The following FLNB variants were observed in gnomAD, a reference collection of about 807,000 sequenced individuals.
FLNB encodes filamin B, also known as filamin-B.
Under a neutral mutation model 250.6 loss-of-function variants are expected in FLNB, and 111 were observed. That is an observed-to-expected ratio of 0.44 (90% CI 0.38 to 0.52). The LOEUF is 0.52. FLNB is among the 20% of genes least tolerant of loss of function. FLNB has a pLI of 0.00. For missense variants in FLNB, 2,869 were observed against 3,447.8 expected (o/e 0.83, Z 4.20); for synonymous variants, 1,302 against 1,372.1 (o/e 0.95, Z 1.13).
chr3:58,134,752 C>T lies in FLNB; in HGVS notation c.4651C>T (p.Leu1551=). The T allele has an allele frequency of 6.2e-7, 1 of 1,614,146 alleles. No homozygotes were observed. Among genetic ancestry groups the T allele is most frequent in the Non-Finnish European group, 8.5e-7 (1 of 1,179,966 alleles). Residue 1551 remains leucine, a synonymous_variant, in exon 27 of 46, where the codon CTG becomes TTG. Transcript: ENST00000295956. Reference sequence around the variant, plus strand: ...TGATGCCCGAGATGCCGGGGAAGGCCTGCTTGCTGTTCAAATAACGGTAAC... The same window carrying T: ...TGATGCCCGAGATGCCGGGGAAGGCTTGCTTGCTGTTCAAATAACGGTAAC... ...AIDARDAGEG[L]LAVQITDQEG...
At chr3:58,111,312 G>T (rs547139880) in intron 16 of FLNB, among the ~76,000 whole-genome samples, 1 of 152,220 alleles carries the variant, frequency 6.6e-6, no homozygotes, top group East Asian at 1.9e-4. Flanking sequence ...TAAAGGTAGT[G>T]GTCTTGACAT....
chr3:58,084,096 G>A (rs942602641), intron 4 of FLNB, among the ~76,000 whole-genome samples: 7 of 151,810 alleles, frequency 4.6e-5, no homozygotes, highest in African/African-American at 9.7e-5. Context: ...GGAGGCTGAG[G>A]CAGGAGAATT....
intron 7 of FLNB, 85 bp downstream of exon 7, chr3:58,098,062 C>T: frequency 7.2e-7 from 1 of 1,392,634 alleles, no homozygotes; most frequent in South Asian, 1.2e-5. Context: ...GAAGGCCTGA[C>T]CTTTTGTCTT....
At chr3:58,011,611 T>A (rs865865822) in intron 1 of FLNB, among the ~76,000 whole-genome samples, 18 of 152,212 alleles carry the variant, frequency 1.2e-4, no homozygotes, top group African/African-American at 4.1e-4. Flanking sequence ...CCTTCATCCT[T>A]CAAGGCAAAG....
At chr3:58,090,709 A>G (rs1207323762) in intron 4 of FLNB, among the ~76,000 whole-genome samples, 2 of 152,196 alleles carry the variant, frequency 1.3e-5, no homozygotes, top group Non-Finnish European at 2.9e-5. Context: ...AGCTGTATAT[A>G]ATGAAGAAGT....
At chr3:58,135,951 C>T in intron 27 of FLNB, 28 bp from the exon 28 acceptor site, 1 of 1,610,972 alleles carries the variant, frequency 6.2e-7, no homozygotes, top group South Asian at 1.1e-5. Flanking sequence ...TGACAACATC[C>T]TAAATAGCAT....
chr3:58,072,104 A>T (rs964528891), intron 1 of FLNB, among the ~76,000 whole-genome samples: 2 of 152,084 alleles, frequency 1.3e-5, no homozygotes, highest in East Asian at 3.9e-4. Context: ...AAAAGAAAAC[A>T]AAACTAAACA....
At position 58,077,229 on chromosome 3, in the gene FLNB, C is replaced by G. The variant is rs772013221; in HGVS notation, c.476C>G (p.Thr159Ser). ...IQNKIPYLPI[T>S]NFNQNWQDGK... ...AACAAGATCCCCTACTTGCCCATCA[C>G]CAACTTTAACCAGAACTGGCAAGAC... Residue 159 changes from threonine (T) to serine (S), a missense_variant, in exon 2 of 46, where the codon ACC becomes AGC. By Grantham distance (58) the Thr-to-Ser change is moderately conservative. Transcript: ENST00000295956. The G allele has an allele frequency of 1.9e-6, 3 of 1,614,170 alleles. No homozygotes were observed. The highest frequency in any genetic ancestry group is 2.5e-6 in the Non-Finnish European group (3 of 1,180,006).
In FLNB at chr3:58,168,562, A is replaced by C; in HGVS notation, c.7321A>C (p.Met2441Leu). The change falls in exon 44 of 46, where the codon ATG (methionine) becomes CTG (leucine). Residue 2441 changes from methionine (M) to leucine (L), a missense_variant. By Grantham distance (15) the Met-to-Leu change is conservative. Around this residue, in one of 5 missense-constraint regions of FLNB, gnomAD observed 1,084 missense variants for 1,315.5 expected, o/e 0.82. Transcript: ENST00000295956. ...GGAAACACCTGAAGGGTACAAAGTC[A>C]TGTACACCCCCATGGCTCCTGGTAA... ...CQETPEGYKV[M>L]YTPMAPGNYL... 6.2e-7 allele frequency: 1 copy of C among 1,614,132 alleles called. No homozygotes were observed. The highest frequency in any genetic ancestry group is 1.7e-4 in the Middle Eastern group (1 of 6,060).
chr3:58,123,604 T>C lies in FLNB; in HGVS notation c.3638T>C (p.Val1213Ala). Reference sequence around the variant, plus strand: ...ACCATGAAGTATGGTGGCGAACTCGTGCCACACTTCCCCGCCCGGGTCAAG... The same window carrying C: ...ACCATGAAGTATGGTGGCGAACTCGCGCCACACTTCCCCGCCCGGGTCAAG... ...TLTMKYGGEL[V>A]PHFPARVKVE... The change falls in exon 21 of 46, where the codon GTG becomes GCG. Residue 1213 changes from valine to alanine, a missense_variant. By Grantham distance (64) the Val-to-Ala change is moderately conservative (BLOSUM62 0). This residue lies in a region of FLNB where 1,348 missense variants were observed against 1,466.7 expected (regional missense o/e 0.92). Transcript: ENST00000295956. The C allele has an allele frequency of 1.9e-6, 3 of 1,610,508 alleles. No homozygotes were observed. The highest frequency in any genetic ancestry group is 1.7e-6 in the Non-Finnish European group (2 of 1,179,554).
At chr3:58,154,561 AG>A (rs1575467330) in intron 39 of FLNB, 5 of 469,414 alleles carry the variant, frequency 1.1e-5, no homozygotes, top group East Asian at 4.0e-5. Flanking sequence ...AAAAAAAAAA[AG>A]ACATGTCTTC....
chr3:58,112,029 TG>T, intron 17 of FLNB, 119 bp from the exon 18 acceptor site: 1 of 1,192,454 alleles, frequency 8.4e-7, no homozygotes, highest in Non-Finnish European at 1.2e-6. Flanking sequence ...CAGCAGTGGC[TG>T]GCCAGGCCCG....
In FLNB at chr3:58,121,213, T is replaced by G. The variant is rs751054545; in HGVS notation, c.2864-28T>G. 7 of 1,614,058 alleles carry G rather than the reference T, an allele frequency of 4.3e-6. No homozygotes were observed. In the South Asian group the frequency reaches 7.7e-5, roughly 18 times the overall value. On this transcript the variant is annotated intron_variant, in intron 19 of 45. Coordinates refer to ENST00000295956, the MANE Select transcript of FLNB (RefSeq NM_001457.4). ...TCCTGCTGCTGAAAAGGGTCAGCTCTTCACCTCAGCTTGTGTTTCTTTTCC... is the reference window on the plus strand; with the variant it reads ...TCCTGCTGCTGAAAAGGGTCAGCTCGTCACCTCAGCTTGTGTTTCTTTTCC...
chr3:58,110,208 G>T, intron 16 of FLNB, 38 bp downstream of exon 16: 1 of 1,609,536 alleles, frequency 6.2e-7, no homozygotes, highest in Non-Finnish European at 8.5e-7. Context: ...GGTGGAGTAG[G>T]CCTGGATTCT....
At position 58,123,559 on chromosome 3, in the gene FLNB, C is replaced by T. The variant is rs963229056; in HGVS notation, c.3593C>T (p.Thr1198Met). 8.1e-6 allele frequency: 13 copies of T among 1,609,210 alleles called. No homozygotes were observed. The highest frequency in any genetic ancestry group is 3.4e-5 in the Admixed American group (2 of 59,248). ...GTYAVTYVPL[T>M]AGMYTLTMKY... is the part of the protein sequence containing the mutation. ...TACGCGGTGACCTACGTGCCCCTGA[C>T]GGCCGGCATGTACACGTTGACCATG... Residue 1198 changes from threonine to methionine, a missense_variant, in exon 21 of 46, where the codon ACG (threonine) becomes ATG (methionine). Physicochemically the swap from Thr to Met is moderately conservative, Grantham distance 81. Around this residue, in one of 5 missense-constraint regions of FLNB, gnomAD observed 1,348 missense variants for 1,466.7 expected, o/e 0.92. Transcript: ENST00000295956.
chr3:58,077,124 C>T lies in FLNB; in HGVS notation c.371C>T (p.Ser124Phe). ...ACGCTGATCCTCCACTACTCCATCT[C>T]CATGCCCGTGTGGGAGGATGAAGGG... ...VWTLILHYSI[S>F]MPVWEDEGDD... The change falls in exon 2 of 46, where the codon TCC becomes TTC. Residue 124 changes from serine (S) to phenylalanine (F), a missense_variant. By Grantham distance (155) the Ser-to-Phe change is radical. Around this residue, in one of 5 missense-constraint regions of FLNB, gnomAD observed 308 missense variants for 466.1 expected, o/e 0.66. Coordinates refer to ENST00000295956, the MANE Select transcript of FLNB (RefSeq NM_001457.4). The T allele has an allele frequency of 6.2e-7, 1 of 1,614,152 alleles. No homozygotes were observed. The highest frequency in any genetic ancestry group is 2.2e-5 in the East Asian group (1 of 44,866).
At position 58,155,940 on chromosome 3, in the gene FLNB, G is replaced by C; in HGVS notation, c.6773-20G>C. On this transcript the variant is annotated intron_variant, in intron 40 of 45. Coordinates refer to ENST00000295956, the MANE Select transcript of FLNB (RefSeq NM_001457.4). ...TGGGTCCAGAGTCTCTGAAATGATG[G>C]GACTTTCCTGTCCTCATAGGTAACT... The C allele has an allele frequency of 6.5e-7, 1 of 1,546,882 alleles. No homozygotes were observed. Among genetic ancestry groups the C allele is most frequent in the Non-Finnish European group, 8.9e-7 (1 of 1,118,774 alleles).
intron 29 of FLNB, among the ~76,000 whole-genome samples, chr3:58,140,254 A>G (rs2097324556): frequency 6.6e-6 from 1 of 152,216 alleles, no homozygotes; most frequent in Non-Finnish European, 1.5e-5. Context: ...GTTTCTTCAA[A>G]TACACTACTC....
chr3:58,119,912 C>G (rs2097285600), intron 19 of FLNB, among the ~76,000 whole-genome samples: 1 of 152,224 alleles, frequency 6.6e-6, no homozygotes, highest in Non-Finnish European at 1.5e-5. Context: ...GGCCTGCCTT[C>G]CAACAGTGCA....
Sources: gnomAD v4.1 joint callset for allele counts (sites outside exome capture counted in the v4.1 genomes callset) on GRCh38, gnomAD v4.1.1 for gene constraint, gnomAD v4.1.1 regional missense constraint, MANE v1.5 for transcripts, NCBI Gene and HGNC (gene_info 2026-07-23, HGNC 2026-07-21) for gene names.